The following DYRK1A variants were observed in gnomAD, a reference collection of about 807,000 sequenced individuals.
DYRK1A encodes the protein dual specificity tyrosine-phosphorylation-regulated kinase 1A.
In DYRK1A, 9 loss-of-function variants were observed where a neutral mutation model predicts 79.7. That is an observed-to-expected ratio of 0.11 (90% CI 0.07 to 0.20). The LOEUF (loss-of-function observed/expected upper bound fraction) is 0.20. Among genes scored for constraint, DYRK1A ranks in the 10% least tolerant of loss-of-function variants. The probability of loss-of-function intolerance (pLI) is 1.00; values close to 1 mark genes in which losing one functional copy is unlikely to be tolerated. For synonymous variants in DYRK1A, 349 were observed against 329.7 expected (o/e 1.06, Z -0.63); for missense variants, 622 against 956.0 (o/e 0.65, Z 4.61).
chr21:37,380,791 G>C (rs2049641498), intron 1 of DYRK1A, among the ~76,000 whole-genome samples: 1 of 151,884 alleles, frequency 6.6e-6, no homozygotes, highest in South Asian at 2.1e-4. Context: ...GACCACGCTA[G>C]TCACAGGATC....
chr21:37,525,656 CT>C lies in DYRK1A; in HGVS notation c.*13128del, dbSNP rs2053962985. On this transcript the variant is annotated 3_prime_UTR_variant, in exon 12 of 12. Coordinates refer to ENST00000647188, the MANE Select transcript of DYRK1A (RefSeq NM_001347721.2). ...ATTGTATTATTTAAGTCAACAGATA[CT>C]TTGTGAGAAATATTTGAATCTATCA... is the stretch of plus-strand genomic sequence containing the variant. 1 of 152,172 alleles carries C rather than the reference CT, an allele frequency of 6.6e-6. No individual in the cohort carries two copies. Among genetic ancestry groups the C allele is most frequent in the Admixed American group, 6.5e-5 (1 of 15,282 alleles). The allele number at this position is 152,172 out of a possible 1,614,324, so 9.4% of individuals were successfully genotyped here.
chr21:37,402,040 T>A (rs993677889), intron 1 of DYRK1A, among the ~76,000 whole-genome samples: 24 of 152,174 alleles, frequency 1.6e-4, no homozygotes, highest in African/African-American at 5.6e-4. Context: ...AGCATCAGAT[T>A]GATTTATCTG....
chr21:37,400,223 C>G (rs1345631564), intron 1 of DYRK1A, among the ~76,000 whole-genome samples: 3 of 152,180 alleles, frequency 2.0e-5, no homozygotes, highest in African/African-American at 4.8e-5. Flanking sequence ...TGCCCCCTCC[C>G]TCTCTCAACA....
chr21:37,466,660 A>AG (rs1455772855), intron 2 of DYRK1A, among the ~76,000 whole-genome samples: 1 of 152,198 alleles, frequency 6.6e-6, no homozygotes, highest in African/African-American at 2.4e-5. Flanking sequence ...AGAAATAAAG[A>AG]GGGCAGTTTA....
At chr21:37,449,029 A>G (rs1210467681) in intron 2 of DYRK1A, among the ~76,000 whole-genome samples, 1 of 152,158 alleles carries the variant, frequency 6.6e-6, no homozygotes, top group Non-Finnish European at 1.5e-5. Flanking sequence ...TTGAAGAGTC[A>G]TATCATTTTT....
At chr21:37,391,676 G>A (rs940482370) in intron 1 of DYRK1A, among the ~76,000 whole-genome samples, 3 of 152,134 alleles carry the variant, frequency 2.0e-5, no homozygotes, top group Non-Finnish European at 4.4e-5. Context: ...TCCTTTGTAT[G>A]GAATGAAGAC....
At chr21:37,382,081 T>C (rs933675837) in intron 1 of DYRK1A, among the ~76,000 whole-genome samples, 4 of 152,126 alleles carry the variant, frequency 2.6e-5, no homozygotes, top group Admixed American at 6.5e-5. Flanking sequence ...GTAGTAAATA[T>C]TTGGAAAAGC....
chr21:37,418,930 G>A (rs1041745087), intron 1 of DYRK1A: 2 of 152,146 alleles, frequency 1.3e-5, no homozygotes, highest in Admixed American at 6.6e-5. Context: ...TGTCTCTGAG[G>A]TTCTTTTCCA....
At chr21:37,451,176 TAAA>T (rs939228529) in intron 2 of DYRK1A, among the ~76,000 whole-genome samples, 3 of 152,106 alleles carry the variant, frequency 2.0e-5, no homozygotes, top group Non-Finnish European at 2.9e-5. Context: ...ATCCAAAAGT[TAAA>T]AAAAGATTAA....
chr21:37,401,547 A>G (rs191983964), intron 1 of DYRK1A, among the ~76,000 whole-genome samples: 186 of 147,886 alleles, frequency 1.3e-3, no homozygotes, highest in African/African-American at 4.5e-3. Flanking sequence ...CAATGGTACC[A>G]TCTCGGCTCA....
At position 37,390,154 on chromosome 21, in the gene DYRK1A, C is replaced by T. The variant is rs546673599; in HGVS notation, c.-77+22526C>T. Among the ~76,000 whole-genome samples the T allele has an allele frequency of 4.6e-5, 7 of 152,122 alleles. No individual in the cohort carries two copies. In the East Asian group the frequency reaches 1.4e-3, roughly 29 times the overall value. On this transcript the variant is annotated intron_variant, in intron 1 of 11. Transcript: ENST00000647188. ...TGTTGTGCTTGATACCTGTCAGTAC[C>T]AAGTCTCCATATTCACTGGTCCCCA...
At chr21:37,399,018 A>G (rs2050008606) in intron 1 of DYRK1A, among the ~76,000 whole-genome samples, 1 of 152,050 alleles carries the variant, frequency 6.6e-6, no homozygotes, top group Non-Finnish European at 1.5e-5. Flanking sequence ...AATGATAGAG[A>G]AACTTGCATA....
rs868351608 is a variant in DYRK1A at position 37,409,307 on chromosome 21, T to C, written c.-76-10992T>C. Among the ~76,000 whole-genome samples, 42 of 152,320 alleles carry C rather than the reference T, an allele frequency of 2.8e-4. 1 individual carries two copies. The highest frequency in any genetic ancestry group is 3.4e-3 in the Middle Eastern group (1 of 294). ...CACATCTTTGATAATACAGCAATTCTGTGGGTGCAATAAGTGATGGAGCCA... is the reference window on the plus strand; with the variant it reads ...CACATCTTTGATAATACAGCAATTCCGTGGGTGCAATAAGTGATGGAGCCA... On this transcript the variant is annotated intron_variant, in intron 1 of 11. Coordinates refer to ENST00000647188, the MANE Select transcript of DYRK1A (RefSeq NM_001347721.2).
At chr21:37,488,366 T>C in intron 6 of DYRK1A, 1 of 891,098 alleles carries the variant, frequency 1.1e-6, no homozygotes, top group African/African-American at 1.8e-5. Context: ...CCGAAAGTCA[T>C]ATTGATTTTT....
chr21:37,401,497 T>TTTG (rs1345785369), intron 1 of DYRK1A, among the ~76,000 whole-genome samples: 3 of 149,852 alleles, frequency 2.0e-5, no homozygotes, highest in African/African-American at 7.5e-5. Context: ...TTTTTTTTTT[T>TTTG]GGGAGACAGA....
chr21:37,470,604 G>A (rs2052188582), intron 2 of DYRK1A, among the ~76,000 whole-genome samples: 1 of 152,080 alleles, frequency 6.6e-6, no homozygotes, highest in African/African-American at 2.4e-5. Context: ...GTCTTTTACT[G>A]TTTATAAGAA....
At chr21:37,406,500 A>G (rs1270422952) in intron 1 of DYRK1A, among the ~76,000 whole-genome samples, 1 of 152,100 alleles carries the variant, frequency 6.6e-6, no homozygotes, top group Non-Finnish European at 1.5e-5. Context: ...GTTTGAGACC[A>G]GTGTGGTGAA....
At chr21:37,398,954 A>G (rs2050007695) in intron 1 of DYRK1A, among the ~76,000 whole-genome samples, 1 of 150,556 alleles carries the variant, frequency 6.6e-6, no homozygotes, top group Non-Finnish European at 1.5e-5. Context: ...TCGGTTGCTC[A>G]GAGGACTCTT....
intron 6 of DYRK1A, chr21:37,488,606 C>T: frequency 1.1e-5 from 11 of 985,320 alleles, no homozygotes; most frequent in Non-Finnish European, 1.3e-5. Context: ...AAAGACTGAA[C>T]AAATATGCTT....
Sources: allele counts gnomAD v4.1 joint callset (sites outside exome capture counted in the v4.1 genomes callset), GRCh38; gene constraint gnomAD v4.1.1; transcripts MANE v1.5; gene names NCBI Gene and HGNC (gene_info 2026-07-23, HGNC 2026-07-21).